Variants in GLS observed in about 807,000 individuals in gnomAD.
GLS encodes glutaminase kidney isoform, mitochondrial.
Under a neutral mutation model 86.7 loss-of-function variants are expected in GLS, and 36 were observed. That is an observed-to-expected ratio of 0.42 (90% CI 0.32 to 0.55). The LOEUF (loss-of-function observed/expected upper bound fraction) is 0.55, where lower values mean the gene tolerates loss of function less well. GLS is among the 20% of genes least tolerant of loss of function. GLS has a pLI of 0.17. For missense variants in GLS, 528 were observed against 833.4 expected (o/e 0.63, Z 4.51); for synonymous variants, 317 against 305.9 (o/e 1.04, Z -0.38).
intron 14 of GLS, 58 bp downstream of exon 14, chr2:190,931,695 G>A: frequency 2.6e-6 from 2 of 765,532 alleles, no homozygotes; most frequent in South Asian, 3.4e-5. Flanking sequence ...GAAAAAGTGA[G>A]ATTTGCCTGT....
intron 3 of GLS, among the ~76,000 whole-genome samples, chr2:190,899,529 T>C (rs1401692652): frequency 6.6e-6 from 1 of 152,152 alleles, no homozygotes; most frequent in Non-Finnish European, 1.5e-5. Flanking sequence ...CATTTAAAAA[T>C]TTCTCATTTA....
chr2:190,894,223 A>G (rs564938662), intron 1 of GLS, among the ~76,000 whole-genome samples: 2 of 152,218 alleles, frequency 1.3e-5, no homozygotes, highest in Non-Finnish European at 2.9e-5. Flanking sequence ...GTAAAATGGC[A>G]TAATATTTGC....
At chr2:190,907,294 TGCAGTGGC>T (rs1410756808) in intron 6 of GLS, among the ~76,000 whole-genome samples, 46 of 145,866 alleles carry the variant, frequency 3.2e-4, no homozygotes, top group East Asian at 6.1e-4. Flanking sequence ...CAGGCTGGAG[TGCAGTGGC>T]GCAATCTCGG....
intron 1 of GLS, chr2:190,881,707 G>T (rs1688199462): frequency 4.4e-6 from 2 of 457,304 alleles, no homozygotes; most frequent in Non-Finnish European, 7.7e-6. Flanking sequence ...GGCGGGGGTC[G>T]CCCTGGTGGG....
In GLS at chr2:190,913,506, T is replaced by C. The variant is rs1689425742; in HGVS notation, c.1038+3185T>C. The C allele has an allele frequency of 1.0e-6, 1 of 992,624 alleles. No homozygotes were observed. The highest frequency in any genetic ancestry group is 1.0e-4 in the East Asian group (1 of 9,830). The allele number at this position is 992,624 out of a possible 1,614,324, so 61.5% of individuals were successfully genotyped here. A position where few individuals can be genotyped will look rare whatever the true frequency, so the allele number is the denominator to read the frequency against. On this transcript the variant is annotated intron_variant, in intron 7 of 17. Transcript: ENST00000320717. The surrounding 1 kb of genome is among the most constrained non-coding windows in gnomAD (Gnocchi z 6.1). ...GGAATACTTTTTGTTGTAATCTGTT[T>C]TATTTGGGATTGTGATAATGTGTGA...
intron 6 of GLS, 112 bp from the exon 7 acceptor site, chr2:190,910,151 A>G (rs562491967): frequency 3.7e-4 from 237 of 639,400 alleles, no homozygotes; most frequent in Middle Eastern, 2.8e-3. Flanking sequence ...CACTAAGAAA[A>G]AAGCAAAATT....
At chr2:190,883,716 A>G (rs1688284663) in intron 1 of GLS, among the ~76,000 whole-genome samples, 1 of 152,218 alleles carries the variant, frequency 6.6e-6, no homozygotes, top group African/African-American at 2.4e-5. Flanking sequence ...TCTGTCTTAT[A>G]TGAAACTATG....
Position 190,943,289 on chromosome 2 carries a change from T to C in GLS, c.1651-10276T>C, listed in dbSNP as rs1254333057. On this transcript the variant is annotated intron_variant, in intron 14 of 17. Transcript: ENST00000320717. This position sits in a 1 kb window ranked among gnomAD's most constrained non-coding sequence, Gnocchi z 4.5. ...AGCAGTGTAAGTTGGAGCTATAATTTTGTGAGTGGTCAGTATGAAGAGTAG... is the reference window on the plus strand; with the variant it reads ...AGCAGTGTAAGTTGGAGCTATAATTCTGTGAGTGGTCAGTATGAAGAGTAG... 6.6e-6 allele frequency among the ~76,000 whole-genome samples: 1 copy of C among 152,158 alleles called. No homozygotes were observed. The highest frequency in any genetic ancestry group is 1.9e-4 in the East Asian group (1 of 5,202).
At chr2:190,886,055 G>A (rs1480075161) in intron 1 of GLS, among the ~76,000 whole-genome samples, 2 of 151,838 alleles carry the variant, frequency 1.3e-5, no homozygotes, top group African/African-American at 2.4e-5. Context: ...TGTATTTTTA[G>A]TAAGATGGGA....
intron 14 of GLS, chr2:190,932,579 CATGAAGCAAA>C: frequency 1.8e-6 from 1 of 548,374 alleles, no homozygotes. Flanking sequence ...ACCTGAGTAA[CATGAAGCAAA>C]ATGTCAGAGG....
intron 6 of GLS, among the ~76,000 whole-genome samples, chr2:190,907,934 T>C (rs1476876885): frequency 6.6e-6 from 1 of 152,220 alleles, no homozygotes; most frequent in Non-Finnish European, 1.5e-5. Flanking sequence ...AAAATGTATG[T>C]GCTGATTATA....
At chr2:190,906,086 T>A (rs991871381) in intron 6 of GLS, among the ~76,000 whole-genome samples, 1 of 152,190 alleles carries the variant, frequency 6.6e-6, no homozygotes, top group Non-Finnish European at 1.5e-5. Context: ...TTTCCCATTT[T>A]ACCGTAACCT....
chr2:190,908,027 T>C (rs574751441), intron 6 of GLS, among the ~76,000 whole-genome samples: 5 of 152,332 alleles, frequency 3.3e-5, no homozygotes, highest in African/African-American at 1.2e-4. Flanking sequence ...GAATTGTGGA[T>C]GGTTGGGAAG....
At chr2:190,892,026 G>C (rs1294666710) in intron 1 of GLS, among the ~76,000 whole-genome samples, 5 of 152,126 alleles carry the variant, frequency 3.3e-5, no homozygotes, top group Non-Finnish European at 7.4e-5. Context: ...CAGTGAAGTA[G>C]TTTTCCAAAG....
At chr2:190,929,474 ATT>A (rs34321717) in intron 12 of GLS, among the ~76,000 whole-genome samples, 3 of 145,454 alleles carry the variant, frequency 2.1e-5, no homozygotes, top group Admixed American at 2.0e-4. Context: ...CTGTTTCATA[ATT>A]TTTTTTTTTT....
chr2:190,892,355 T>C (rs994278043), intron 1 of GLS, among the ~76,000 whole-genome samples: 4 of 152,164 alleles, frequency 2.6e-5, no homozygotes, highest in Admixed American at 6.5e-5. Flanking sequence ...TATATCCTAT[T>C]TGAATTGCTG....
At chr2:190,916,296 T>C (rs887401799) in intron 7 of GLS, among the ~76,000 whole-genome samples, 7 of 152,208 alleles carry the variant, frequency 4.6e-5, no homozygotes, top group Admixed American at 4.6e-4. Context: ...CTCTCATTTA[T>C]GCATGCCTAG....
In GLS at chr2:190,912,000, G is replaced by A. The variant is rs189061300; in HGVS notation, c.1038+1679G>A. On this transcript the variant is annotated intron_variant, in intron 7 of 17. Coordinates refer to ENST00000320717, the MANE Select transcript of GLS (RefSeq NM_014905.5). The stretch of plus-strand genomic sequence containing the variant: ...ATTCATGGGTTTAACAGACTACACC[G>A]AAATGCTGCATGTGGGAATTGCATG... Among the ~76,000 whole-genome samples the A allele has an allele frequency of 3.1e-3, 471 of 152,168 alleles. 8 individuals carry two copies. The highest frequency in any genetic ancestry group is 0.01 in the African/African-American group (434 of 41,552).
In GLS at chr2:190,932,843, G is replaced by A. The variant is rs554029166; in HGVS notation, c.1650+1206G>A. ...ACAACTGTAGTATATAGAATGGAAA[G>A]TCTGGGAGAGAAAAGCTAAAGAAAT... On this transcript the variant is annotated intron_variant, in intron 14 of 17. Transcript: ENST00000320717. The A allele has an allele frequency of 3.1e-5, 47 of 1,539,498 alleles. No individual in the cohort carries two copies. The African/African-American group carries it at 5.4e-4, about 18-fold the overall frequency.
Sources: gnomAD v4.1 joint callset for allele counts (sites outside exome capture counted in the v4.1 genomes callset) on GRCh38, gnomAD v4.1.1 for gene constraint, Gnocchi (gnomAD v3.1) non-coding constraint, MANE v1.5 for transcripts, NCBI Gene and HGNC (gene_info 2026-07-23, HGNC 2026-07-21) for gene names.